The following ADCY3 variants were observed in gnomAD, a reference collection of about 807,000 sequenced individuals.
ADCY3 encodes the protein adenylate cyclase 3.
Under a neutral mutation model 119.4 loss-of-function variants are expected in ADCY3, and 70 were observed. The observed-to-expected ratio is 0.59, with a 90% CI of 0.48 to 0.72. The LOEUF (loss-of-function observed/expected upper bound fraction) is 0.72. Among genes scored for constraint, ADCY3 ranks in the 30% least tolerant of loss-of-function variants. ADCY3 has a pLI of 0.00. For missense variants in ADCY3, 1,238 were observed against 1,541.6 expected (o/e 0.80, Z 3.30); for synonymous variants, 672 against 621.4 (o/e 1.08, Z -1.21).
intron 16 of ADCY3, among the ~76,000 whole-genome samples, chr2:24,824,917 A>G (rs1047983778): frequency 6.6e-6 from 1 of 152,206 alleles, no homozygotes; most frequent in African/African-American, 2.4e-5. Context: ...AGGAACGTGA[A>G]TGGAGGAACT....
chr2:24,892,611 T>C (rs887834853), intron 2 of ADCY3, among the ~76,000 whole-genome samples: 1 of 152,072 alleles, frequency 6.6e-6, no homozygotes, highest in Non-Finnish European at 1.5e-5. Context: ...TTCAGTGCAC[T>C]TGAAAAGAAT....
At position 24,834,347 on chromosome 2, in the gene ADCY3, G is replaced by C; in HGVS notation, c.1967+138C>G. 9.3e-7 allele frequency: 1 copy of C among 1,069,986 alleles called. No homozygotes were observed. Among genetic ancestry groups the C allele is most frequent in the Non-Finnish European group, 1.3e-6 (1 of 760,966 alleles). The allele number at this position is 1,069,986 out of a possible 1,614,324, so 66.3% of individuals were successfully genotyped here. A position where few individuals can be genotyped will look rare whatever the true frequency, so the allele number is the denominator to read the frequency against. On this transcript the variant is annotated intron_variant, in intron 11 of 21. Coordinates refer to ENST00000679454, the MANE Select transcript of ADCY3 (RefSeq NM_004036.5). The surrounding 1 kb of genome is among the most constrained non-coding windows in gnomAD (Gnocchi z 4.2). ...TCTAGCACTCCTGGGGCCTGTGGGG[G>C]CCGTCCCAGTGGGGGTCAGGGAGCA... is the stretch of plus-strand genomic sequence containing the variant.
chr2:24,868,589 G>C (rs1674597358), intron 3 of ADCY3, among the ~76,000 whole-genome samples: 1 of 152,102 alleles, frequency 6.6e-6, no homozygotes, highest in African/African-American at 2.4e-5. Flanking sequence ...AGCCTAGACT[G>C]CGCCACTGAA....
At chr2:24,913,735 T>C (rs1440384096) in intron 2 of ADCY3, among the ~76,000 whole-genome samples, 1 of 152,190 alleles carries the variant, frequency 6.6e-6, no homozygotes, top group African/African-American at 2.4e-5. Flanking sequence ...GGAGCAAATG[T>C]TCCTTTGCTG....
chr2:24,847,054 T>C (rs1284868657), intron 3 of ADCY3, among the ~76,000 whole-genome samples: 1 of 152,162 alleles, frequency 6.6e-6, no homozygotes, highest in African/African-American at 2.4e-5. Context: ...AGGAGTGGAA[T>C]GATATGGTTT....
chr2:24,919,287 T>C lies in ADCY3; in HGVS notation c.-197-103A>G. The C allele has an allele frequency of 2.9e-6, 1 of 339,240 alleles. No homozygotes were observed. The highest frequency in any genetic ancestry group is 5.5e-6 in the Non-Finnish European group (1 of 182,280). 21.0% of individuals were successfully genotyped at this position (339,240 alleles called of 1,614,324 possible). A position where few individuals can be genotyped will look rare whatever the true frequency, so the allele number is the denominator to read the frequency against. The stretch of plus-strand genomic sequence containing the variant: ...TAAAAGGATCTCTGCTGCAAGAGCC[T>C]CCCAACCCAGGGCCTTCCCTGCCAC... On this transcript the variant is annotated intron_variant, in intron 1 of 21. Coordinates refer to ENST00000679454, the MANE Select transcript of ADCY3 (RefSeq NM_004036.5). The surrounding 1 kb of genome is among the most constrained non-coding windows in gnomAD (Gnocchi z 5.5).
intron 19 of ADCY3, chr2:24,822,000 T>G (rs1265923749): frequency 4.2e-6 from 1 of 240,744 alleles, no homozygotes; most frequent in Non-Finnish European, 8.1e-6. Flanking sequence ...ATGACCCGCC[T>G]TGGACGTGTT....
intron 3 of ADCY3, among the ~76,000 whole-genome samples, chr2:24,871,523 C>G (rs781513567): frequency 6.6e-6 from 1 of 152,236 alleles, no homozygotes; most frequent in Non-Finnish European, 1.5e-5. Flanking sequence ...CGGAACAGCA[C>G]TGTCTAGAGA....
intron 17 of ADCY3, 131 bp from the exon 18 acceptor site, chr2:24,823,486 T>C (rs4665273): frequency 0.59 from 525,754 of 892,088 alleles, 160,886 homozygotes; most frequent in Admixed American, 0.73. Flanking sequence ...GTCAGATTAT[T>C]CCAGCATTTT....
chr2:24,839,767 G>C (rs914058893), intron 7 of ADCY3, 106 bp downstream of exon 7: 3 of 1,507,588 alleles, frequency 2.0e-6, no homozygotes, highest in Non-Finnish European at 2.7e-6. Context: ...TTGTAGGGAG[G>C]CCTTCTCTGA....
At chr2:24,862,261 C>T (rs1032152260) in intron 3 of ADCY3, among the ~76,000 whole-genome samples, 1 of 152,138 alleles carries the variant, frequency 6.6e-6, no homozygotes, top group Non-Finnish European at 1.5e-5. Context: ...AAATCAATCT[C>T]GGTAGCCGGG....
chr2:24,882,014 G>A (rs1225172269), intron 2 of ADCY3, among the ~76,000 whole-genome samples: 1 of 152,224 alleles, frequency 6.6e-6, no homozygotes, highest in African/African-American at 2.4e-5. Flanking sequence ...TTTGATTCCT[G>A]AGTGTTCACA....
intron 2 of ADCY3, among the ~76,000 whole-genome samples, chr2:24,910,706 G>C (rs1210635838): frequency 1.4e-5 from 2 of 147,128 alleles, no homozygotes; most frequent in Non-Finnish European, 3.0e-5. Context: ...CTGTCACCAG[G>C]CACAATCTCA....
intron 3 of ADCY3, among the ~76,000 whole-genome samples, chr2:24,865,941 C>G (rs1674232548): frequency 6.6e-6 from 1 of 152,110 alleles, no homozygotes; most frequent in Non-Finnish European, 1.5e-5. Context: ...TTTCAAGGGG[C>G]TGGAGAAACA....
At chr2:24,871,699 C>G (rs1380886552) in intron 3 of ADCY3, among the ~76,000 whole-genome samples, 1 of 152,208 alleles carries the variant, frequency 6.6e-6, no homozygotes, top group Non-Finnish European at 1.5e-5. Context: ...GTTCCCAGAG[C>G]AGAGAATCAT....
At chr2:24,850,325 C>A (rs111355479) in intron 3 of ADCY3, among the ~76,000 whole-genome samples, 1,586 of 152,274 alleles carry the variant, frequency 0.01, 30 homozygotes, top group African/African-American at 0.036. Flanking sequence ...AATGCTCATA[C>A]ACACACAGAA....
intron 2 of ADCY3, among the ~76,000 whole-genome samples, chr2:24,917,555 C>T (rs1472918641): frequency 6.6e-6 from 1 of 152,214 alleles, no homozygotes; most frequent in Admixed American, 6.5e-5. Flanking sequence ...GAACACAATA[C>T]TATAATAGTT....
intron 19 of ADCY3, 197 bp downstream of exon 19, chr2:24,822,314 T>G (rs1265803659): frequency 2.9e-6 from 2 of 693,870 alleles, no homozygotes; most frequent in Non-Finnish European, 4.6e-6. Context: ...AGCAGGGGGT[T>G]GTGTGTCTGT....
At chr2:24,843,708 A>C (rs989247063) in intron 3 of ADCY3, among the ~76,000 whole-genome samples, 3 of 152,010 alleles carry the variant, frequency 2.0e-5, no homozygotes, top group Non-Finnish European at 4.4e-5. Flanking sequence ...GGGCAAAGAC[A>C]GGGTTTGGTT....
Sources: gnomAD v4.1 joint callset for allele counts (sites outside exome capture counted in the v4.1 genomes callset) on GRCh38, gnomAD v4.1.1 for gene constraint, Gnocchi (gnomAD v3.1) non-coding constraint, MANE v1.5 for transcripts, NCBI Gene and HGNC (gene_info 2026-07-23, HGNC 2026-07-21) for gene names.